Variants in FOXP1 observed in about 807,000 individuals in gnomAD.
The protein encoded by FOXP1 is forkhead box protein P1.
A neutral mutation model predicts 98.2 loss-of-function variants in FOXP1; 15 were observed. The ratio of observed to expected loss-of-function variants is 0.15; its 90% CI spans 0.10 to 0.24. The LOEUF is 0.24. Ranked by LOEUF, FOXP1 falls within the 10% of genes least tolerant of loss-of-function variation. FOXP1 has a pLI of 1.00. For missense variants in FOXP1, 633 were observed against 848.5 expected, an observed-to-expected ratio of 0.75 and a Z score of 3.15; for synonymous variants, 371 against 314.5, an observed-to-expected ratio of 1.18 and a Z score of -1.90.
At chr3:71,130,841 A>G (rs2059528786) in intron 6 of FOXP1, 1 of 1,432,322 alleles carries the variant, frequency 7.0e-7, no homozygotes, top group African/African-American at 1.4e-5. Context: ...AGTTGCATTT[A>G]GCACTTAAAG....
intron 6 of FOXP1, among the ~76,000 whole-genome samples, chr3:71,173,170 T>A (rs2061735475): frequency 6.6e-6 from 1 of 152,046 alleles, no homozygotes; most frequent in South Asian, 2.1e-4. Context: ...AAGTTTCTCA[T>A]CTATTGCCTA....
intron 3 of FOXP1, among the ~76,000 whole-genome samples, chr3:71,427,520 G>GA (rs1447647088): frequency 3.3e-5 from 5 of 152,078 alleles, no homozygotes; most frequent in Admixed American, 1.3e-4. Context: ...GCTCTCTTGT[G>GA]AAAAAAAGGA....
intron 13 of FOXP1, among the ~76,000 whole-genome samples, chr3:70,991,432 T>C (rs757666506): frequency 1.3e-5 from 2 of 152,206 alleles, no homozygotes; most frequent in Non-Finnish European, 2.9e-5. Flanking sequence ...TGCCAAAGGC[T>C]AGGAGTTCCA....
chr3:71,347,435 A>G (rs1477607594), intron 4 of FOXP1, among the ~76,000 whole-genome samples: 4 of 152,210 alleles, frequency 2.6e-5, no homozygotes, highest in African/African-American at 9.7e-5. Context: ...TCTACCATCA[A>G]TATCAGCAGA....
chr3:70,978,187 C>T (rs1393393783), intron 14 of FOXP1, among the ~76,000 whole-genome samples, 158 bp from the exon 15 acceptor site: 4 of 152,156 alleles, frequency 2.6e-5, no homozygotes, highest in East Asian at 1.9e-4. Context: ...GTGAGTCCTG[C>T]GTGAATTCAC....
chr3:71,329,269 T>C (rs1298629749), intron 4 of FOXP1, among the ~76,000 whole-genome samples: 1 of 151,878 alleles, frequency 6.6e-6, no homozygotes, highest in Non-Finnish European at 1.5e-5. Flanking sequence ...TCGCACAGGC[T>C]GGAGTGCAGT....
At chr3:71,039,204 C>T (rs890900225) in intron 11 of FOXP1, among the ~76,000 whole-genome samples, 10 of 152,028 alleles carry the variant, frequency 6.6e-5, no homozygotes, top group Admixed American at 3.9e-4. Context: ...ACTCAGCCTG[C>T]TTTTACATCC....
At chr3:71,536,834 CAG>C (rs1472840613) in intron 2 of FOXP1, among the ~76,000 whole-genome samples, 1 of 152,134 alleles carries the variant, frequency 6.6e-6, no homozygotes, top group Non-Finnish European at 1.5e-5. Context: ...CCCACCCCCA[CAG>C]AGTGTGGTGG....
At chr3:71,007,083 A>T (rs544783552) in intron 12 of FOXP1, among the ~76,000 whole-genome samples, 1 of 152,290 alleles carries the variant, frequency 6.6e-6, no homozygotes, top group East Asian at 1.9e-4. Context: ...AAGCAATGTC[A>T]GAAAGGTTAA....
intron 11 of FOXP1, among the ~76,000 whole-genome samples, chr3:71,035,921 A>G (rs1254618875): frequency 6.6e-6 from 1 of 152,212 alleles, no homozygotes; most frequent in East Asian, 1.9e-4. Context: ...AACTTCTAGA[A>G]TTTTAGCAAG....
chr3:71,005,779 C>T (rs920868229), intron 12 of FOXP1, among the ~76,000 whole-genome samples: 3 of 152,076 alleles, frequency 2.0e-5, no homozygotes, highest in Non-Finnish European at 2.9e-5. Flanking sequence ...AAAAGTAGAG[C>T]GCTTCCTTTC....
chr3:71,163,482 TC>T (rs2061246731), intron 6 of FOXP1, among the ~76,000 whole-genome samples: 1 of 152,174 alleles, frequency 6.6e-6, no homozygotes, highest in South Asian at 2.1e-4. Flanking sequence ...ATATAAGCTT[TC>T]CTCCAGCACT....
intron 6 of FOXP1, among the ~76,000 whole-genome samples, chr3:71,161,317 C>G (rs2061123257): frequency 6.6e-6 from 1 of 152,214 alleles, no homozygotes; most frequent in Non-Finnish European, 1.5e-5. Flanking sequence ...CAGCTGGTAG[C>G]TCATCTGGGC....
intron 14 of FOXP1, among the ~76,000 whole-genome samples, chr3:70,985,387 T>C (rs894609104): frequency 6.6e-6 from 1 of 152,192 alleles, no homozygotes; most frequent in African/African-American, 2.4e-5. Context: ...GTGCCCTTTT[T>C]TTTTTCTTTT....
intron 2 of FOXP1, among the ~76,000 whole-genome samples, chr3:71,498,200 G>C (rs766519196): frequency 2.6e-5 from 4 of 152,150 alleles, no homozygotes; most frequent in African/African-American, 9.7e-5. Context: ...AGGGCCTGTG[G>C]TTGCAAAACA....
intron 6 of FOXP1, among the ~76,000 whole-genome samples, chr3:71,144,511 T>C (rs1194167034): frequency 6.6e-6 from 1 of 151,994 alleles, no homozygotes. Context: ...GCAGGTAAGA[T>C]GGGTTGGCAG....
At chr3:71,329,772 T>C (rs569378641) in intron 4 of FOXP1, 16 of 152,320 alleles carry the variant, frequency 1.1e-4, no homozygotes, top group Admixed American at 9.8e-4. Context: ...GTAATTTTGA[T>C]AACATTACCG....
intron 2 of FOXP1, among the ~76,000 whole-genome samples, chr3:71,563,299 C>T (rs1287606757): frequency 6.6e-6 from 1 of 152,116 alleles, no homozygotes; most frequent in East Asian, 1.9e-4. Context: ...ACATATGACC[C>T]ACTTCTGAGT....
At chr3:71,394,993 G>C (rs906367468) in intron 3 of FOXP1, among the ~76,000 whole-genome samples, 2 of 151,030 alleles carry the variant, frequency 1.3e-5, no homozygotes, top group Non-Finnish European at 1.5e-5. Flanking sequence ...CCAGCTACTT[G>C]GGAGGCTGAG....
Sources: gnomAD v4.1 joint callset for allele counts (sites outside exome capture counted in the v4.1 genomes callset) on GRCh38, gnomAD v4.1.1 for gene constraint, MANE v1.5 for transcripts, NCBI Gene and HGNC (gene_info 2026-07-23, HGNC 2026-07-21) for gene names.